Variants in GABRB1 observed in about 807,000 individuals in gnomAD.
The protein encoded by GABRB1 is gamma-aminobutyric acid receptor subunit beta-1.
In GABRB1, 17 loss-of-function variants were observed where a neutral mutation model predicts 51.6. The observed-to-expected ratio is 0.33, with a 90% CI of 0.23 to 0.49. The LOEUF is 0.49. Among genes scored for constraint, GABRB1 ranks in the 20% least tolerant of loss-of-function variants. The pLI is 0.99. For missense variants in GABRB1, 410 were observed against 600.6 expected, an observed-to-expected ratio of 0.68 and a Z score of 3.32; for synonymous variants, 247 against 218.9, an observed-to-expected ratio of 1.13 and a Z score of -1.14.
In GABRB1 at chr4:47,364,392, A is replaced by AGTT. The variant is rs1229533517; in HGVS notation, c.545-38924_545-38922dup. On this transcript the variant is annotated intron_variant, in intron 5 of 8. Coordinates refer to ENST00000295454, the MANE Select transcript of GABRB1 (RefSeq NM_000812.4). ...AGAAAAAAAGATCAGACAAAGTAGA[A>AGTT]GTTGGAGTAAAAGAAAGGGATGGAG... 1.6e-4 allele frequency among the ~76,000 whole-genome samples: 24 copies of AGTT among 152,274 alleles called. 1 individual carries two copies. Among genetic ancestry groups the AGTT allele is most frequent in the Admixed American group, 1.3e-3 (20 of 15,294 alleles).
Position 47,223,432 on chromosome 4 carries a change from G to A in GABRB1, c.461+61963G>A, listed in dbSNP as rs572296979. On this transcript the variant is annotated intron_variant, in intron 4 of 8. Coordinates refer to ENST00000295454, the MANE Select transcript of GABRB1 (RefSeq NM_000812.4). The stretch of plus-strand genomic sequence containing the variant: ...AATAAAATATATACATAAATGTAAT[G>A]CAGCTATAGAAATGAACTGACATTT... Among the ~76,000 whole-genome samples, 3 of 152,176 alleles carry A rather than the reference G, an allele frequency of 2.0e-5. No individual in the cohort carries two copies. The South Asian group carries it at 6.2e-4, about 32-fold the overall frequency.
chr4:47,326,206 C>G (rs1203294814), intron 5 of GABRB1, among the ~76,000 whole-genome samples: 1 of 152,160 alleles, frequency 6.6e-6, no homozygotes, highest in Non-Finnish European at 1.5e-5. Flanking sequence ...CTGACATCAT[C>G]ATGGCTTGAT....
intron 3 of GABRB1, among the ~76,000 whole-genome samples, chr4:47,065,722 A>G (rs1176659910): frequency 1.3e-5 from 2 of 152,210 alleles, no homozygotes; most frequent in African/African-American, 2.4e-5. Context: ...GATGGCTGTT[A>G]TGTTTTCATG....
At chr4:47,152,165 A>G (rs1026516113) in intron 3 of GABRB1, among the ~76,000 whole-genome samples, 2 of 152,014 alleles carry the variant, frequency 1.3e-5, no homozygotes, top group African/African-American at 4.8e-5. Flanking sequence ...TATTTTAGTT[A>G]TGTGAAAGTC....
chr4:47,180,125 CT>C (rs908854153), intron 4 of GABRB1, among the ~76,000 whole-genome samples: 23 of 150,158 alleles, frequency 1.5e-4, no homozygotes, highest in Admixed American at 5.3e-4. Context: ...TAGTCACAAT[CT>C]TTTTTTTTTC....
At chr4:47,123,673 G>T (rs1381177302) in intron 3 of GABRB1, among the ~76,000 whole-genome samples, 5 of 66,236 alleles carry the variant, frequency 7.5e-5, no homozygotes, top group Non-Finnish European at 1.0e-4. Context: ...TATATGATAT[G>T]ATATATCATA....
At chr4:47,225,434 T>A (rs1720911791) in intron 4 of GABRB1, among the ~76,000 whole-genome samples, 1 of 152,082 alleles carries the variant, frequency 6.6e-6, no homozygotes, top group Admixed American at 6.6e-5. Flanking sequence ...GAGGGTGGGG[T>A]GGAATTAATT....
chr4:47,017,925 G>A (rs1724797989), intron 1 of GABRB1, among the ~76,000 whole-genome samples: 1 of 152,086 alleles, frequency 6.6e-6, no homozygotes, highest in African/African-American at 2.4e-5. Context: ...TTGAATTATT[G>A]ACTTTTCTCT....
chr4:47,177,253 G>A (rs1201519695), intron 4 of GABRB1, among the ~76,000 whole-genome samples: 6 of 152,020 alleles, frequency 3.9e-5, no homozygotes, highest in Non-Finnish European at 8.8e-5. Context: ...CAGATCAGAT[G>A]GAATATAGTT....
intron 7 of GABRB1, 97 bp downstream of exon 7, chr4:47,403,808 C>A: frequency 3.4e-6 from 4 of 1,171,864 alleles, no homozygotes; most frequent in Non-Finnish European, 4.8e-6. Context: ...TTATAGCAAG[C>A]CAAAGAATTA....
In GABRB1 at chr4:47,234,940, T is replaced by A. The variant is rs563723291; in HGVS notation, c.461+73471T>A. 4.6e-5 allele frequency among the ~76,000 whole-genome samples: 7 copies of A among 152,326 alleles called. No individual in the cohort carries two copies. In the East Asian group the frequency reaches 1.4e-3, roughly 29 times the overall value. On this transcript the variant is annotated intron_variant, in intron 4 of 8. Transcript: ENST00000295454. The stretch of plus-strand genomic sequence containing the variant: ...AGATGGAGACAAGACATAGCCTTTA[T>A]CCTTCAGGGACTTACAGGTTCCTAA...
intron 1 of GABRB1, among the ~76,000 whole-genome samples, chr4:46,995,281 T>C (rs961985930): frequency 1.3e-5 from 2 of 152,216 alleles, no homozygotes; most frequent in Admixed American, 6.5e-5. Flanking sequence ...GCGGAAGAAC[T>C]AGTGTATCCT....
chr4:47,383,048 T>C (rs1727648947), intron 5 of GABRB1, among the ~76,000 whole-genome samples: 1 of 152,214 alleles, frequency 6.6e-6, no homozygotes, highest in Non-Finnish European at 1.5e-5. Context: ...AGATAAGCTA[T>C]AGATACAAAC....
In GABRB1 at chr4:47,264,689, G is replaced by A. The variant is rs567331054; in HGVS notation, c.462-55438G>A. 5.3e-5 allele frequency among the ~76,000 whole-genome samples: 8 copies of A among 152,298 alleles called. No individual in the cohort carries two copies. In the South Asian group the frequency reaches 1.7e-3, roughly 32 times the overall value. On this transcript the variant is annotated intron_variant, in intron 4 of 8. Transcript: ENST00000295454. ...CCATTTAATAAGTGATACATTTAAA[G>A]TGTAGAATTACATGAATTTTCACAA...
At chr4:47,207,713 G>A (rs1411789793) in intron 4 of GABRB1, among the ~76,000 whole-genome samples, 2 of 152,008 alleles carry the variant, frequency 1.3e-5, no homozygotes, top group African/African-American at 2.4e-5. Context: ...TTGTTTAGAA[G>A]TGCCTTCTCT....
intron 5 of GABRB1, among the ~76,000 whole-genome samples, chr4:47,378,407 C>A (rs1340637734): frequency 1.3e-5 from 2 of 152,190 alleles, no homozygotes; most frequent in Non-Finnish European, 2.9e-5. Flanking sequence ...AAGCACCGCG[C>A]GCAGCCCGGG....
intron 3 of GABRB1, among the ~76,000 whole-genome samples, chr4:47,056,002 G>C (rs1420176692): frequency 6.6e-6 from 1 of 152,130 alleles, no homozygotes; most frequent in African/African-American, 2.4e-5. Context: ...CTAAACCAAG[G>C]TTAAATCATC....
chr4:47,210,626 G>T (rs1013232722), intron 4 of GABRB1, among the ~76,000 whole-genome samples: 1 of 152,080 alleles, frequency 6.6e-6, no homozygotes, highest in African/African-American at 2.4e-5. Context: ...TTGGAATATT[G>T]ATATCTTCAT....
intron 8 of GABRB1, among the ~76,000 whole-genome samples, chr4:47,422,611 G>A (rs1038045322): frequency 2.9e-4 from 44 of 151,906 alleles, no homozygotes; most frequent in African/African-American, 1.0e-3. Flanking sequence ...GATGTTATTT[G>A]TTCTCTACCT....
Sources: allele counts gnomAD v4.1 joint callset (sites outside exome capture counted in the v4.1 genomes callset), GRCh38; gene constraint gnomAD v4.1.1; transcripts MANE v1.5; gene names NCBI Gene and HGNC (gene_info 2026-07-23, HGNC 2026-07-21).